NF2: variants seen among roughly 807,000 people sequenced by gnomAD.
The protein encoded by NF2 is NF2, moesin-ezrin-radixin like (MERLIN) tumor suppressor, also known as merlin.
Under a neutral mutation model 83.7 loss-of-function variants are expected in NF2, and 8 were observed. The ratio of observed to expected loss-of-function variants is 0.10; its 90% confidence interval spans 0.06 to 0.17. The LOEUF is 0.17. Among genes scored for constraint, NF2 ranks in the 10% least tolerant of loss-of-function variants. The pLI is 1.00. For missense variants in NF2, 533 were observed against 744.4 expected (o/e 0.72, Z 3.31); for synonymous variants, 266 against 269.6 (o/e 0.99, Z 0.13).
intron 1 of NF2, among the ~76,000 whole-genome samples, chr22:29,630,730 G>A (rs751169380): frequency 2.6e-5 from 4 of 152,084 alleles, no homozygotes; most frequent in Admixed American, 6.5e-5. Flanking sequence ...CTCCCTCTTC[G>A]TCACTAGGCT....
intron 3 of NF2, 33 bp downstream of exon 3, chr22:29,639,245 G>C: frequency 6.2e-7 from 1 of 1,613,506 alleles, no homozygotes; most frequent in South Asian, 1.1e-5. Flanking sequence ...CCAGTTCTGA[G>C]AGAACTTGCC....
chr22:29,647,970 T>TA (rs1414406919), intron 4 of NF2, among the ~76,000 whole-genome samples: 8 of 151,630 alleles, frequency 5.3e-5, no homozygotes, highest in Non-Finnish European at 1.0e-4. Context: ...AATAAATACA[T>TA]ACATACAAAA....
At chr22:29,611,272 A>C (rs928031125) in intron 1 of NF2, among the ~76,000 whole-genome samples, 16 of 152,210 alleles carry the variant, frequency 1.1e-4, no homozygotes, top group African/African-American at 3.9e-4. Context: ...CTGTAATCCT[A>C]ACACTTTAGG....
At chr22:29,643,980 A>G (rs1232367859) in intron 4 of NF2, among the ~76,000 whole-genome samples, 2 of 135,604 alleles carry the variant, frequency 1.5e-5, no homozygotes, top group African/African-American at 5.8e-5. Context: ...TGACCCCCCC[A>G]CCTCCCTCCC....
intron 1 of NF2, among the ~76,000 whole-genome samples, chr22:29,630,166 C>G (rs1277252677): frequency 6.6e-6 from 1 of 152,190 alleles, no homozygotes; most frequent in African/African-American, 2.4e-5. Flanking sequence ...GATGGCTGTT[C>G]AGTAGATGTT....
chr22:29,609,113 G>C (rs1166338360), intron 1 of NF2: 1 of 749,754 alleles, frequency 1.3e-6, no homozygotes, highest in African/African-American at 1.7e-5. Context: ...CGAGGAAACT[G>C]AGAACCCAGG....
chr22:29,652,784 GCCAGGCTCCTAC>G (rs1262137271), intron 4 of NF2, among the ~76,000 whole-genome samples: 1 of 152,184 alleles, frequency 6.6e-6, no homozygotes, highest in Non-Finnish European at 1.5e-5. Context: ...TGCCTCCAGA[GCCAGGCTCCTAC>G]CCTCACTCTA....
chr22:29,681,500 A>T lies in NF2; in HGVS notation c.1636A>T (p.Ile546Phe). The T allele has an allele frequency of 1.9e-6, 3 of 1,614,190 alleles. No homozygotes were observed. The change falls in exon 15 of 16, where the codon ATC (isoleucine) becomes TTC (phenylalanine). Residue 546 changes from isoleucine (I) to phenylalanine (F), a missense_variant. Physicochemically the swap from Ile to Phe is conservative, Grantham distance 21. Coordinates refer to ENST00000338641, the MANE Select transcript of NF2 (RefSeq NM_000268.4). ...QEQLNELKTE[I>F]EALKLKERET... ...GCAGCTCAATGAACTCAAGACAGAA[A>T]TCGAGGCCTTGAAACTGAAAGAGAG...
intron 4 of NF2, among the ~76,000 whole-genome samples, chr22:29,643,618 G>A (rs1456014339): frequency 6.6e-6 from 1 of 152,202 alleles, no homozygotes; most frequent in Admixed American, 6.5e-5. Context: ...TAAGGTCACA[G>A]ATCAACAGGA....
chr22:29,653,410 C>G (rs1022245499), intron 4 of NF2, among the ~76,000 whole-genome samples: 42 of 144,076 alleles, frequency 2.9e-4, no homozygotes, highest in Non-Finnish European at 3.0e-5. Flanking sequence ...CGCCATTGCA[C>G]TCCAGCCTGG....
chr22:29,637,569 G>A (rs1394118436), intron 2 of NF2, among the ~76,000 whole-genome samples: 1 of 152,158 alleles, frequency 6.6e-6, no homozygotes. Context: ...AGGACCATAT[G>A]CTTTTGTCAG....
At position 29,698,378 on chromosome 22, in the gene NF2, T is replaced by C. The variant is rs921598377; in HGVS notation, c.*3576T>C. The stretch of plus-strand genomic sequence containing the variant: ...CTCACCACCCCTGGAGGGAGCAGCG[T>C]TGGCAGGGAGACAGCCTGGCCCAGT... On this transcript the variant is annotated 3_prime_UTR_variant, in exon 16 of 16. Transcript: ENST00000338641. 2 of 219,950 alleles carry C rather than the reference T, an allele frequency of 9.1e-6. No homozygotes were observed. Among genetic ancestry groups the C allele is most frequent in the Non-Finnish European group, 1.8e-5 (2 of 109,694 alleles). 13.6% of individuals were successfully genotyped at this position (219,950 alleles called of 1,614,324 possible).
Position 29,639,168 on chromosome 22 carries a change from G to A in NF2, c.319G>A (p.Glu107Lys), listed in dbSNP as rs1435118870. 1 of 1,614,054 alleles carries A rather than the reference G, an allele frequency of 6.2e-7. No homozygotes were observed. Among genetic ancestry groups the A allele is most frequent in the Non-Finnish European group, 8.5e-7 (1 of 1,180,034 alleles). ...CAAATTTTATCCTGAGAATGCTGAA[G>A]AGGAGCTGGTTCAGGAGATCACACA... ...LAKFYPENAE[E>K]ELVQEITQHL... Residue 107 changes from glutamate (E) to lysine (K), a missense_variant, in exon 3 of 16, where the codon GAG (glutamate) becomes AAG (lysine). Glu to Lys is a moderately conservative substitution (Grantham distance 56). Coordinates refer to ENST00000338641, the MANE Select transcript of NF2 (RefSeq NM_000268.4).
chr22:29,641,149 T>C (rs993826092), intron 3 of NF2, among the ~76,000 whole-genome samples: 7 of 151,074 alleles, frequency 4.6e-5, no homozygotes, highest in African/African-American at 7.3e-5. Context: ...AAAAGGGATG[T>C]TCTTGCAGTT....
At chr22:29,657,143 C>T (rs1706232845) in intron 6 of NF2, among the ~76,000 whole-genome samples, 1 of 152,040 alleles carries the variant, frequency 6.6e-6, no homozygotes, top group African/African-American at 2.4e-5. Flanking sequence ...CTCCCTACCC[C>T]CAATTCCCCT....
At chr22:29,605,458 G>A (rs67884471) in intron 1 of NF2, among the ~76,000 whole-genome samples, 36,064 of 151,904 alleles carry the variant, frequency 0.24, 4,422 homozygotes, top group Non-Finnish European at 0.29. Flanking sequence ...ACAGATGTGA[G>A]CCACCCCGCC....
chr22:29,641,361 T>C (rs2065806465), intron 3 of NF2, among the ~76,000 whole-genome samples: 1 of 152,206 alleles, frequency 6.6e-6, no homozygotes, highest in East Asian at 1.9e-4. Context: ...GTTATAGAAA[T>C]GGCTTTCTTG....
At chr22:29,680,355 C>A (rs1317620985) in intron 14 of NF2, among the ~76,000 whole-genome samples, 2 of 152,190 alleles carry the variant, frequency 1.3e-5, no homozygotes, top group Non-Finnish European at 2.9e-5. Context: ...CATGATCCGC[C>A]CACCTTGGCC....
chr22:29,661,368 C>A, intron 8 of NF2, 29 bp downstream of exon 8: 1 of 1,612,414 alleles, frequency 6.2e-7, no homozygotes, highest in South Asian at 1.1e-5. Context: ...GCAGATGGGT[C>A]CAGCAGATCT....
Sources: gnomAD v4.1 joint callset for allele counts (sites outside exome capture counted in the v4.1 genomes callset) on GRCh38, gnomAD v4.1.1 for gene constraint, MANE v1.5 for transcripts, NCBI Gene and HGNC (gene_info 2026-07-23, HGNC 2026-07-21) for gene names.